The following ZNF451 variants were observed in gnomAD, a reference collection of about 807,000 sequenced individuals.
ZNF451 encodes the protein E3 SUMO-protein ligase ZNF451.
ZNF451 carries 80 observed loss-of-function variants against 107.1 expected under a neutral mutation model. That is an observed-to-expected ratio of 0.75 (90% CI 0.62 to 0.90). The LOEUF (loss-of-function observed/expected upper bound fraction) is 0.90. Ranked by LOEUF, ZNF451 falls within the 40% of genes least tolerant of loss-of-function variation. The pLI is 0.00. For synonymous variants in ZNF451, 362 were observed against 406.5 expected, an observed-to-expected ratio of 0.89 and a Z score of 1.32; for missense variants, 1,107 against 1,236.2, an observed-to-expected ratio of 0.90 and a Z score of 1.57.
chr6:57,118,789 T>C (rs1398399022), intron 3 of ZNF451, among the ~76,000 whole-genome samples: 2 of 152,178 alleles, frequency 1.3e-5, no homozygotes, highest in Admixed American at 6.5e-5. Flanking sequence ...GACCACTAAT[T>C]TGCTTTTAAG....
At position 57,104,411 on chromosome 6, in the gene ZNF451, C is replaced by T. The variant is rs1315076286; in HGVS notation, c.186+5270C>T. ...CTAGCTAAGGCTACTTCAGACTTTT[C>T]ACTTTCCATTTGTCCCCTTTTCCTT... On this transcript the variant is annotated intron_variant, in intron 3 of 14. Transcript: ENST00000370706. The T allele has an allele frequency of 3.0e-6, 3 of 985,232 alleles. No homozygotes were observed. The African/African-American group carries it at 5.2e-5, about 17-fold the overall frequency. The allele number at this position is 985,232 out of a possible 1,614,324, so 61.0% of individuals were successfully genotyped here. A position where few individuals can be genotyped will look rare whatever the true frequency, so the allele number is the denominator to read the frequency against.
chr6:57,152,519 C>A (rs1439215157), intron 12 of ZNF451, among the ~76,000 whole-genome samples, 168 bp downstream of exon 12: 1 of 152,188 alleles, frequency 6.6e-6, no homozygotes, highest in African/African-American at 2.4e-5. Flanking sequence ...GCTTTATCCT[C>A]AACTTCTAGC....
chr6:57,168,669 A>G lies in ZNF451; in HGVS notation c.*200A>G, dbSNP rs771551538. ...CAAACATGTACAGAAGAAATAGAAT[A>G]CATGTTCATGCAAATATAAATTATG... On this transcript the variant is annotated 3_prime_UTR_variant, in exon 15 of 15. Coordinates refer to ENST00000370706, the MANE Select transcript of ZNF451 (RefSeq NM_001031623.3). 101 of 525,252 alleles carry G rather than the reference A, an allele frequency of 1.9e-4. No homozygotes were observed. Among genetic ancestry groups the G allele is most frequent in the Non-Finnish European group, 2.7e-4 (82 of 302,868 alleles). The allele number at this position is 525,252 out of a possible 1,614,324, so 32.5% of individuals were successfully genotyped here. A position where few individuals can be genotyped will look rare whatever the true frequency, so the allele number is the denominator to read the frequency against.
rs1593078777 is a variant in ZNF451 at position 57,099,705 on chromosome 6, T to C, written c.186+564T>C. 23 of 524,686 alleles carry C rather than the reference T, an allele frequency of 4.4e-5. No individual in the cohort carries two copies. In the East Asian group the frequency reaches 6.5e-4, roughly 15 times the overall value. The allele number at this position is 524,686 out of a possible 1,614,324, so 32.5% of individuals were successfully genotyped here. Reference sequence around the variant, plus strand: ...GTAGGTTTGACCCTTGGACCAATACTTCCCTTGCTCTGAGAATTGAACTAG... The same window carrying C: ...GTAGGTTTGACCCTTGGACCAATACCTCCCTTGCTCTGAGAATTGAACTAG... On this transcript the variant is annotated intron_variant, in intron 3 of 14. Coordinates refer to ENST00000370706, the MANE Select transcript of ZNF451 (RefSeq NM_001031623.3).
intron 3 of ZNF451, chr6:57,105,007 A>G (rs1431884524): frequency 1.1e-5 from 11 of 982,548 alleles, no homozygotes; most frequent in Non-Finnish European, 1.3e-5. Context: ...TTAATTTTTT[A>G]TTATTTTAAA....
chr6:57,109,509 C>T (rs1462284351), intron 3 of ZNF451: 3 of 985,240 alleles, frequency 3.0e-6, no homozygotes, highest in Non-Finnish European at 3.6e-6. Flanking sequence ...TGCAGATTTC[C>T]TTTTTGAAGT....
intron 3 of ZNF451, chr6:57,100,967 A>C: frequency 6.4e-7 from 1 of 1,551,086 alleles, no homozygotes; most frequent in Non-Finnish European, 8.7e-7. Context: ...GCCATCCTCT[A>C]TCTCCAGACA....
chr6:57,108,377 T>A, intron 3 of ZNF451: 1 of 985,408 alleles, frequency 1.0e-6, no homozygotes, highest in East Asian at 1.1e-4. Flanking sequence ...TGTTTCACAC[T>A]ACCTTGATTT....
intron 2 of ZNF451, among the ~76,000 whole-genome samples, chr6:57,093,789 G>A (rs767472842): frequency 9.9e-5 from 15 of 152,256 alleles, no homozygotes; most frequent in Non-Finnish European, 2.2e-4. Context: ...AGGATTATGT[G>A]TAGTCGTGAA....
chr6:57,128,634 G>C, intron 4 of ZNF451, 95 bp from the exon 5 acceptor site: 1 of 742,392 alleles, frequency 1.3e-6, no homozygotes, highest in Non-Finnish European at 2.2e-6. Context: ...GGGATAAAAA[G>C]TAATCAGTAT....
intron 10 of ZNF451, 79 bp downstream of exon 10, chr6:57,148,772 A>G: frequency 7.4e-7 from 1 of 1,358,624 alleles, no homozygotes; most frequent in African/African-American, 1.5e-5. Flanking sequence ...TCAATTTTGA[A>G]GCAAGAAACA....
chr6:57,111,323 C>CT (rs1200267694), intron 3 of ZNF451, among the ~76,000 whole-genome samples: 1 of 151,096 alleles, frequency 6.6e-6, no homozygotes, highest in African/African-American at 2.4e-5. Context: ...AAAAAACTCC[C>CT]TTTTGCTTTG....
At chr6:57,093,123 A>G (rs1373996144) in intron 2 of ZNF451, 1 of 152,204 alleles carries the variant, frequency 6.6e-6, no homozygotes, top group African/African-American at 2.4e-5. Context: ...TTTCTTTGAA[A>G]TTGCAGATTT....
chr6:57,101,953 C>T, intron 3 of ZNF451: 1 of 1,550,480 alleles, frequency 6.4e-7, no homozygotes, highest in Non-Finnish European at 8.7e-7. Context: ...CTATAATCAG[C>T]ATCGATACTT....
chr6:57,094,417 T>C (rs1236872840), intron 2 of ZNF451, among the ~76,000 whole-genome samples: 1 of 152,164 alleles, frequency 6.6e-6, no homozygotes, highest in Non-Finnish European at 1.5e-5. Context: ...CAAGCAACCC[T>C]CCCTCCCCAG....
intron 9 of ZNF451, among the ~76,000 whole-genome samples, chr6:57,142,515 T>C (rs958349600): frequency 6.6e-6 from 1 of 152,248 alleles, no homozygotes; most frequent in Non-Finnish European, 1.5e-5. Flanking sequence ...CTGTGAGATT[T>C]ATCTATATTG....
chr6:57,146,101 T>C (rs1832050551), intron 9 of ZNF451, among the ~76,000 whole-genome samples: 1 of 152,184 alleles, frequency 6.6e-6, no homozygotes, highest in South Asian at 2.1e-4. Context: ...AAAATGTCTG[T>C]TCATGTCCTT....
At chr6:57,109,579 T>C in intron 3 of ZNF451, 8 of 984,838 alleles carry the variant, frequency 8.1e-6, no homozygotes, top group Non-Finnish European at 9.6e-6. Flanking sequence ...TATAGATACA[T>C]ACATTTTAAA....
intron 3 of ZNF451, among the ~76,000 whole-genome samples, chr6:57,117,215 T>TA (rs1314427160): frequency 6.6e-6 from 1 of 152,206 alleles, no homozygotes; most frequent in Non-Finnish European, 1.5e-5. Flanking sequence ...ATATTTGTGT[T>TA]ACAGCTGTTG....
Sources: allele counts gnomAD v4.1 joint callset (sites outside exome capture counted in the v4.1 genomes callset), GRCh38; gene constraint gnomAD v4.1.1; transcripts MANE v1.5; gene names NCBI Gene and HGNC (gene_info 2026-07-23, HGNC 2026-07-21).